ULK4: variants seen among roughly 807,000 people sequenced by gnomAD.
ULK4 encodes the protein unc-51 like kinase 4.
Under a neutral mutation model 160.6 loss-of-function variants are expected in ULK4, and 133 were observed. That is an observed-to-expected ratio of 0.83 (90% CI 0.72 to 0.96). The LOEUF (loss-of-function observed/expected upper bound fraction) is 0.96, where lower values mean the gene tolerates loss of function less well. Among genes scored for constraint, ULK4 ranks in the 40% least tolerant of loss-of-function variants. The pLI is 0.00. For missense variants in ULK4, 1,580 were observed against 1,499.5 expected (o/e 1.05, Z -0.89); for synonymous variants, 534 against 539.8 (o/e 0.99, Z 0.15).
intron 30 of ULK4, among the ~76,000 whole-genome samples, chr3:41,634,582 G>C (rs563707960): frequency 6.6e-6 from 1 of 152,310 alleles, no homozygotes; most frequent in Admixed American, 6.5e-5. Flanking sequence ...ACAGGCAAAT[G>C]TCTGCATGGT....
intron 32 of ULK4, among the ~76,000 whole-genome samples, chr3:41,564,525 C>T (rs2087720652): frequency 7.5e-6 from 1 of 132,810 alleles, no homozygotes; most frequent in African/African-American, 2.9e-5. Context: ...GTGGTGCAAT[C>T]TCGGCTCACT....
intron 35 of ULK4, among the ~76,000 whole-genome samples, chr3:41,252,266 C>T (rs2078756546): frequency 6.6e-6 from 1 of 152,084 alleles, no homozygotes. Flanking sequence ...ACCATAAAAT[C>T]TCAGCTGACA....
chr3:41,278,966 T>G (rs367870683), intron 35 of ULK4, among the ~76,000 whole-genome samples: 3 of 152,058 alleles, frequency 2.0e-5, no homozygotes, highest in Non-Finnish European at 4.4e-5. Flanking sequence ...TTGACAGAAG[T>G]TGGCTTCAGA....
At chr3:41,340,360 G>A (rs12630428) in intron 35 of ULK4, among the ~76,000 whole-genome samples, 6,173 of 152,314 alleles carry the variant, frequency 0.041, 317 homozygotes, top group East Asian at 0.19. Flanking sequence ...GGAAGGGGGA[G>A]GCAGGTGCCT....
chr3:41,543,905 T>C (rs558313569), intron 32 of ULK4, among the ~76,000 whole-genome samples: 1 of 152,328 alleles, frequency 6.6e-6, no homozygotes, highest in South Asian at 2.1e-4. Context: ...TTATATTATC[T>C]ACTTGATGTG....
chr3:41,351,076 T>C (rs1373929469), intron 35 of ULK4, among the ~76,000 whole-genome samples: 1 of 152,196 alleles, frequency 6.6e-6, no homozygotes, highest in Non-Finnish European at 1.5e-5. Context: ...TGGCTTTCCT[T>C]TCCACTCCAC....
chr3:41,296,312 T>C lies in ULK4; in HGVS notation c.3679-46738A>G, dbSNP rs2079666464. ...TCTAATTAAAAATACGTACCTCGGT[T>C]TGAAAGAAAAGAAAAAGGGCTCCTG... is the stretch of plus-strand genomic sequence containing the variant. On this transcript the variant is annotated intron_variant, in intron 35 of 36. Coordinates refer to ENST00000301831, the MANE Select transcript of ULK4 (RefSeq NM_017886.4). Among the ~76,000 whole-genome samples, 3 of 152,090 alleles carry C rather than the reference T, an allele frequency of 2.0e-5. No homozygotes were observed. The South Asian group carries it at 6.2e-4, about 32-fold the overall frequency.
Position 41,714,490 on chromosome 3 carries a change from A to C in ULK4, c.2634+747T>G, listed in dbSNP as rs550020223. Among the ~76,000 whole-genome samples the C allele has an allele frequency of 1.6e-4, 25 of 152,246 alleles. No individual in the cohort carries two copies. The East Asian group carries it at 4.6e-3, about 28-fold the overall frequency. ...ATTATTAATATCAAAGTAAGACTGGAGAAGCTCTGTGACAAATGTTTTAGC... is the reference window on the plus strand; with the variant it reads ...ATTATTAATATCAAAGTAAGACTGGCGAAGCTCTGTGACAAATGTTTTAGC... On this transcript the variant is annotated intron_variant, in intron 25 of 36. Transcript: ENST00000301831.
Position 41,321,796 on chromosome 3 carries a change from C to T in ULK4, c.3679-72222G>A, listed in dbSNP as rs1249826568. Among the ~76,000 whole-genome samples, 2 of 144,080 alleles carry T rather than the reference C, an allele frequency of 1.4e-5. 1 individual carries two copies. The highest frequency in any genetic ancestry group is 3.0e-5 in the Non-Finnish European group (2 of 66,466). The allele number at this position is 144,080 out of a possible 152,430, so 94.5% of individuals were successfully genotyped here. ...AAACGCCTCAAGTGAGCATGCGTAC[C>T]ACTTTAGTAAACACTCTGTGCCTGC... On this transcript the variant is annotated intron_variant, in intron 35 of 36. Transcript: ENST00000301831.
chr3:41,423,664 CA>C (rs2082710609), intron 34 of ULK4, among the ~76,000 whole-genome samples: 1 of 151,966 alleles, frequency 6.6e-6, no homozygotes, highest in Non-Finnish European at 1.5e-5. Context: ...AATCCTGCAC[CA>C]AAAACTGAGG....
At chr3:41,905,631 G>C (rs1204393403) in intron 12 of ULK4, among the ~76,000 whole-genome samples, 1 of 151,886 alleles carries the variant, frequency 6.6e-6, no homozygotes, top group African/African-American at 2.4e-5. Context: ...AAATAATAAA[G>C]AGATAAATAA....
At chr3:41,868,315 T>G (rs1696969976) in intron 17 of ULK4, among the ~76,000 whole-genome samples, 1 of 152,196 alleles carries the variant, frequency 6.6e-6, no homozygotes. Flanking sequence ...CCTAATGAAC[T>G]GAAATTTTCA....
chr3:41,552,104 A>G (rs2087091416), intron 32 of ULK4, among the ~76,000 whole-genome samples: 1 of 151,954 alleles, frequency 6.6e-6, no homozygotes, highest in Non-Finnish European at 1.5e-5. Context: ...CTGAAGGAAT[A>G]TACCTCAGTA....
At chr3:41,643,909 T>A (rs1001465448) in intron 30 of ULK4, among the ~76,000 whole-genome samples, 4 of 152,156 alleles carry the variant, frequency 2.6e-5, no homozygotes, top group African/African-American at 9.7e-5. Context: ...GTCCTTCACA[T>A]CCCTTGTAAG....
At chr3:41,919,085 T>C (rs1482201241) in intron 6 of ULK4, among the ~76,000 whole-genome samples, 1 of 152,196 alleles carries the variant, frequency 6.6e-6, no homozygotes, top group Non-Finnish European at 1.5e-5. Flanking sequence ...ACCACTACTA[T>C]GAACCAATGG....
intron 35 of ULK4, among the ~76,000 whole-genome samples, chr3:41,378,478 T>C (rs2081565304): frequency 6.6e-6 from 1 of 151,932 alleles, no homozygotes; most frequent in Non-Finnish European, 1.5e-5. Context: ...TCATGTCCTT[T>C]GTAGGGACAC....
intron 34 of ULK4, among the ~76,000 whole-genome samples, chr3:41,401,464 G>T (rs1413361345): frequency 6.6e-6 from 1 of 152,146 alleles, no homozygotes; most frequent in Non-Finnish European, 1.5e-5. Flanking sequence ...ACTTTGTCTT[G>T]TAAGAATTAG....
rs571072357 is a variant in ULK4, at chr3:41,846,530, C to T, written c.1657-10559G>A. ...TAAAAATCCTAACATTGAGGCCAGG[C>T]GCAGTGGCTCACACCTGTAATCCCA... On this transcript the variant is annotated intron_variant, in intron 17 of 36. Coordinates refer to ENST00000301831, the MANE Select transcript of ULK4 (RefSeq NM_017886.4). Among the ~76,000 whole-genome samples, 404 of 152,142 alleles carry T rather than the reference C, an allele frequency of 2.7e-3. 2 individuals carry two copies. The highest frequency in any genetic ancestry group is 9.4e-3 in the African/African-American group (391 of 41,514).
At chr3:41,852,456 G>T (rs1215175119) in intron 17 of ULK4, among the ~76,000 whole-genome samples, 2 of 152,032 alleles carry the variant, frequency 1.3e-5, no homozygotes, top group African/African-American at 4.8e-5. Flanking sequence ...TCCATTTCTG[G>T]TGAATAGCAG....
Sources: allele counts gnomAD v4.1 joint callset (sites outside exome capture counted in the v4.1 genomes callset), GRCh38; gene constraint gnomAD v4.1.1; transcripts MANE v1.5; gene names NCBI Gene and HGNC (gene_info 2026-07-23, HGNC 2026-07-21).